The following GLB1 variants were observed in gnomAD, a reference collection of about 807,000 sequenced individuals.
GLB1 encodes galactosidase beta 1.
Under a neutral mutation model 74.0 loss-of-function variants are expected in GLB1, and 56 were observed. That is an observed-to-expected ratio of 0.76 (90% CI 0.61 to 0.94). The LOEUF is 0.94. GLB1 is among the 40% of genes least tolerant of loss of function. The pLI is 0.00. For synonymous variants in GLB1, 323 were observed against 323.6 expected, an observed-to-expected ratio of 1.00 and a Z score of 0.02; for missense variants, 787 against 845.5, an observed-to-expected ratio of 0.93 and a Z score of 0.86.
intron 1 of GLB1, among the ~76,000 whole-genome samples, chr3:33,094,857 C>T (rs559360705): frequency 1.3e-5 from 2 of 152,230 alleles, no homozygotes; most frequent in East Asian, 3.9e-4. Context: ...TATTGTTTTT[C>T]AAATATATAT....
intron 15 of GLB1, among the ~76,000 whole-genome samples, chr3:33,000,001 C>A (rs1007484814): frequency 2.6e-5 from 4 of 151,810 alleles, no homozygotes; most frequent in African/African-American, 9.7e-5. Flanking sequence ...TCCAGACACC[C>A]AGGCTAGAAT....
chr3:33,082,676 C>T (rs1700363813), intron 1 of GLB1, among the ~76,000 whole-genome samples: 1 of 152,142 alleles, frequency 6.6e-6, no homozygotes, highest in Non-Finnish European at 1.5e-5. Flanking sequence ...CTTTTCAAAT[C>T]CTACTGATAA....
At chr3:33,083,351 C>T (rs1309030723) in intron 1 of GLB1, among the ~76,000 whole-genome samples, 8 of 146,480 alleles carry the variant, frequency 5.5e-5, no homozygotes, top group Non-Finnish European at 1.0e-4. Context: ...GAGCCAAGAT[C>T]GCGCCACTGC....
chr3:33,092,349 C>T, intron 1 of GLB1: 1 of 987,836 alleles, frequency 1.0e-6, no homozygotes. Context: ...CTTGCCTGTT[C>T]TCCCAAATTA....
chr3:32,983,388 A>C, the GLB1 span, among the ~76,000 whole-genome samples: 2 of 152,110 alleles, frequency 1.3e-5, no homozygotes, highest in African/African-American at 4.8e-5. Flanking sequence ...CCAATTCCCA[A>C]ACCCATATGT....
the GLB1 span, among the ~76,000 whole-genome samples, chr3:32,988,690 C>T: frequency 1.3e-5 from 2 of 152,198 alleles, no homozygotes; most frequent in African/African-American, 4.8e-5. Flanking sequence ...GTAGAGTTTG[C>T]AGTGAACTGA....
the GLB1 span, among the ~76,000 whole-genome samples, chr3:32,982,309 G>A: frequency 0.022 from 2,778 of 127,934 alleles, 65 homozygotes; most frequent in African/African-American, 0.069. Context: ...GCGAAACTCC[G>A]TCTCCAAAAA....
intron 1 of GLB1, among the ~76,000 whole-genome samples, chr3:33,095,044 C>G (rs989654848): frequency 6.6e-6 from 1 of 151,914 alleles, no homozygotes; most frequent in Non-Finnish European, 1.5e-5. Flanking sequence ...AACCCTGTCT[C>G]TACTAAAAAT....
At chr3:33,000,950 T>C (rs1696534871) in intron 15 of GLB1, among the ~76,000 whole-genome samples, 1 of 152,110 alleles carries the variant, frequency 6.6e-6, no homozygotes, top group Non-Finnish European at 1.5e-5. Flanking sequence ...CTTTATTAAC[T>C]CTAGAATCTA....
intron 1 of GLB1, among the ~76,000 whole-genome samples, chr3:33,074,389 G>GAAGAAAGAAAGAAAGAAAGAAAGAAAGA (rs773964882): frequency 0.11 from 4,183 of 38,854 alleles, 968 homozygotes; most frequent in Middle Eastern, 0.15. Context: ...AGGAAGGAAG[G>GAAGAAAGAAAGAAAGAAAGAAAGAAAGA]AAGAAAGAAA....
intron 12 of GLB1, among the ~76,000 whole-genome samples, chr3:33,020,648 G>A (rs1438317205): frequency 1.3e-5 from 2 of 152,214 alleles, no homozygotes; most frequent in Non-Finnish European, 2.9e-5. Flanking sequence ...TATAATTAAT[G>A]TGTGATTATG....
chr3:33,030,928 C>T (rs1226765502), intron 10 of GLB1: 11 of 639,850 alleles, frequency 1.7e-5, no homozygotes, highest in Non-Finnish European at 2.1e-5. Flanking sequence ...GGTCGCTGCC[C>T]TATATTTTTA....
chr3:33,037,383 G>T (rs940750263), intron 10 of GLB1, among the ~76,000 whole-genome samples: 2 of 152,084 alleles, frequency 1.3e-5, no homozygotes, highest in African/African-American at 4.8e-5. Flanking sequence ...ATTGAATGGT[G>T]TACTTTGAAT....
At chr3:33,072,858 C>A (rs1699936304) in intron 1 of GLB1, 145 bp from the exon 2 acceptor site, 3 of 1,353,020 alleles carry the variant, frequency 2.2e-6, no homozygotes, top group Middle Eastern at 2.5e-4. Context: ...AGCTATCATA[C>A]AAACCATTGC....
intron 13 of GLB1, among the ~76,000 whole-genome samples, chr3:33,017,910 T>C (rs768639013): frequency 6.6e-6 from 1 of 151,932 alleles, no homozygotes; most frequent in African/African-American, 2.4e-5. Flanking sequence ...TGGGTTAAGA[T>C]GGTGGGTAGG....
intron 1 of GLB1, chr3:33,090,294 C>A: frequency 1.6e-6 from 1 of 634,796 alleles, no homozygotes; most frequent in Non-Finnish European, 2.0e-6. Flanking sequence ...ACAGGTGGGG[C>A]AGGGGTAGCT....
intron 1 of GLB1, among the ~76,000 whole-genome samples, chr3:33,074,389 G>GAAGAAAGAAAGAAA (rs1559412995): frequency 1.5e-4 from 6 of 38,916 alleles, no homozygotes; most frequent in East Asian, 1.4e-3. Context: ...AGGAAGGAAG[G>GAAGAAAGAAAGAAA]AAGAAAGAAA....
Position 32,996,766 on chromosome 3 carries a change from T to C in GLB1, c.*279A>G, listed in dbSNP as rs1208902857. 1 of 462,154 alleles carries C rather than the reference T, an allele frequency of 2.2e-6. No individual in the cohort carries two copies. Among genetic ancestry groups the C allele is most frequent in the Non-Finnish European group, 3.9e-6 (1 of 255,474 alleles). 28.6% of individuals were successfully genotyped at this position (462,154 alleles called of 1,614,324 possible). A position where few individuals can be genotyped will look rare whatever the true frequency, so the allele number is the denominator to read the frequency against. On this transcript the variant is annotated 3_prime_UTR_variant, in exon 16 of 16. Transcript: ENST00000307363. Reference sequence around the variant, plus strand: ...AATTTTATTTAACAAAAAGGTAACATGATTCTTCCAAAATAAAAATCACTA... The same window carrying C: ...AATTTTATTTAACAAAAAGGTAACACGATTCTTCCAAAATAAAAATCACTA...
chr3:33,087,005 GA>G (rs202215486), intron 1 of GLB1, among the ~76,000 whole-genome samples: 28 of 144,744 alleles, frequency 1.9e-4, no homozygotes, highest in African/African-American at 6.9e-4. Flanking sequence ...GTTGGTTTTT[GA>G]AAAAAAAATC....
Sources: allele counts gnomAD v4.1 joint callset (sites outside exome capture counted in the v4.1 genomes callset), GRCh38; gene constraint gnomAD v4.1.1; transcripts MANE v1.5; gene names NCBI Gene and HGNC (gene_info 2026-07-23, HGNC 2026-07-21).